The following NBPF20 variants were observed in gnomAD, a reference collection of about 807,000 sequenced individuals.
NBPF20 encodes NBPF family member NBPF20.
NBPF20 carries 90 observed loss-of-function variants against 68.1 expected under a neutral mutation model. The ratio of observed to expected loss-of-function variants is 1.32; its 90% CI spans 1.11 to 1.58. The LOEUF is 1.58. Ranked by LOEUF, NBPF20 falls within the 40% of genes most tolerant of loss-of-function variation. The pLI is 0.00. For synonymous variants in NBPF20, 290 were observed against 228.1 expected (o/e 1.27, Z -2.45); for missense variants, 816 against 601.2 (o/e 1.36, Z -3.74).
intron 8 of NBPF20, among the ~76,000 whole-genome samples, chr1:145,394,252 G>A (rs1446463723): frequency 2.0e-5 from 3 of 151,504 alleles, no homozygotes; most frequent in Admixed American, 6.6e-5. Flanking sequence ...TCATAGGAGA[G>A]ACACTTCAAT....
chr1:145,422,075 C>G, the NBPF20 span, among the ~76,000 whole-genome samples: 10 of 151,498 alleles, frequency 6.6e-5, no homozygotes, highest in South Asian at 4.2e-4. Flanking sequence ...AGTCCTAAAA[C>G]TATTATGTAG....
intron 137 of NBPF20, 142 bp from the exon 143 acceptor site, chr1:145,291,911 G>A (rs1407362706): frequency 1.5e-5 from 23 of 1,540,178 alleles, no homozygotes; most frequent in Admixed American, 2.0e-5. Flanking sequence ...AAAATTTATT[G>A]CCTATATGTT....
intron 8 of NBPF20, among the ~76,000 whole-genome samples, chr1:145,394,277 C>A: frequency 6.6e-6 from 1 of 151,488 alleles, no homozygotes; most frequent in Non-Finnish European, 1.5e-5. Flanking sequence ...AGCTTTCTCT[C>A]ATCAAATACC....
At chr1:145,404,401 G>A (rs1662672418) in intron 2 of NBPF20, among the ~76,000 whole-genome samples, 1 of 151,984 alleles carries the variant, frequency 6.6e-6, no homozygotes, top group Non-Finnish European at 1.5e-5. Flanking sequence ...GGTGATTACA[G>A]TTGCCCACCA....
At chr1:145,395,645 A>G (rs1222948695) in intron 7 of NBPF20, among the ~76,000 whole-genome samples, 2 of 150,018 alleles carry the variant, frequency 1.3e-5, no homozygotes, top group African/African-American at 2.5e-5. Context: ...AAAAGCATGT[A>G]TACACCTCTC....
Position 145,292,617 on chromosome 1 carries a change from T to C in NBPF20, c.16589-128A>G, listed in dbSNP as rs1553658409. On this transcript the variant is annotated intron_variant, in intron 136 of 137. Coordinates refer to ENST00000369373, the Ensembl canonical transcript of NBPF20. ...TAAGAATAGGACACTTTGAGAGATA[T>C]ATTTCAGGAGGCCTGAAGGCTGTTC... 9 of 745,654 alleles carry C rather than the reference T, an allele frequency of 1.2e-5. 1 individual carries two copies. The highest frequency in any genetic ancestry group is 3.6e-4 in the Middle Eastern group (1 of 2,750). The allele number at this position is 745,654 out of a possible 1,614,324, so 46.2% of individuals were successfully genotyped here.
At chr1:145,406,076 G>C (rs1261447999), upstream of NBPF20, among the ~76,000 whole-genome samples, 1 of 147,234 alleles carries the variant, frequency 6.8e-6, no homozygotes, top group African/African-American at 2.5e-5. Context: ...CCGCCACCAC[G>C]CCCGGCTAAT....
chr1:145,291,936 C>A (rs587660521), intron 137 of NBPF20, among the ~76,000 whole-genome samples, 167 bp from the exon 143 acceptor site: 7 of 150,762 alleles, frequency 4.6e-5, no homozygotes, highest in Non-Finnish European at 1.0e-4. Flanking sequence ...TAGAACAGGG[C>A]CAGGTAGAAA....
At chr1:145,413,234 TAA>T in the NBPF20 span, among the ~76,000 whole-genome samples, 1 of 151,498 alleles carries the variant, frequency 6.6e-6, no homozygotes, top group Non-Finnish European at 1.5e-5. Context: ...TACAATAGTA[TAA>T]ACACTTTGGG....
rs587772770 is a variant in NBPF20 at position 145,404,689 on chromosome 1, T to C, written c.175+409A>G. Among the ~76,000 whole-genome samples, 56 of 152,340 alleles carry C rather than the reference T, an allele frequency of 3.7e-4. No homozygotes were observed. The South Asian group carries it at 0.011, about 30-fold the overall frequency. ...TCCCTCAGAGTCACTAGAACACAGC[T>C]TTGCCTGTTGGGCCTCAACAGAAAC... On this transcript the variant is annotated intron_variant, in intron 2 of 137. Coordinates refer to ENST00000369373, the Ensembl canonical transcript of NBPF20.
chr1:145,404,412 C>T (rs374855826), intron 2 of NBPF20, among the ~76,000 whole-genome samples: 5 of 152,024 alleles, frequency 3.3e-5, no homozygotes, highest in East Asian at 3.9e-4. Context: ...TTGCCCACCA[C>T]GACGCCCATC....
At chr1:145,405,463 A>T (rs1662735515) in exon 1 of NBPF20, 1 of 1,550,744 alleles carries the variant, frequency 6.4e-7, no homozygotes, top group East Asian at 2.3e-5. Flanking sequence ...TTCACCACAA[A>T]AACAAGGTTC....
At chr1:145,290,330 C>T (rs1468488729) in exon 138 of NBPF20, 2 of 149,390 alleles carry the variant, frequency 1.3e-5, no homozygotes, top group Admixed American at 6.6e-5. Flanking sequence ...CCCTCCTTAA[C>T]CAAGTAACCA....
intron 9 of NBPF20, among the ~76,000 whole-genome samples, chr1:145,393,558 G>C (rs1368733170): frequency 6.6e-6 from 1 of 151,882 alleles, no homozygotes; most frequent in Non-Finnish European, 1.5e-5. Flanking sequence ...CTGTATTTGT[G>C]CTCTCAGGAC....
intron 3 of NBPF20, among the ~76,000 whole-genome samples, chr1:145,402,868 A>G (rs1363810867): frequency 6.6e-6 from 1 of 151,040 alleles, no homozygotes; most frequent in Non-Finnish European, 1.5e-5. Context: ...GTCAGTCAGG[A>G]GGTGATTGTC....
At chr1:145,407,768 C>A (rs587600936), upstream of NBPF20, 104 of 153,974 alleles carry the variant, frequency 6.8e-4, no homozygotes, top group African/African-American at 2.1e-3. Context: ...AGGTGGACAC[C>A]TCCATCTACA....
exon 6 of NBPF20, chr1:145,400,403 A>G: frequency 6.2e-7 from 1 of 1,612,924 alleles, no homozygotes; most frequent in South Asian, 1.1e-5. Context: ...AATAATGTGT[A>G]CAGCATCCTC....
chr1:145,393,488 C>G (rs1278416061), intron 9 of NBPF20, among the ~76,000 whole-genome samples: 1 of 149,004 alleles, frequency 6.7e-6, no homozygotes, highest in African/African-American at 2.4e-5. Context: ...CACACACACA[C>G]ACAGAGCGAG....
chr1:145,408,738 AT>A (rs1662902137), upstream of NBPF20, among the ~76,000 whole-genome samples: 1 of 152,020 alleles, frequency 6.6e-6, no homozygotes, highest in African/African-American at 2.4e-5. Flanking sequence ...CATGATATAT[AT>A]TTATTTAGCC....
Sources: allele counts gnomAD v4.1 joint callset (sites outside exome capture counted in the v4.1 genomes callset), GRCh38; gene constraint gnomAD v4.1.1; transcripts MANE v1.5; gene names NCBI Gene and HGNC (gene_info 2026-07-23, HGNC 2026-07-21).